The following ABCB11 variants were observed in gnomAD, a reference collection of about 807,000 sequenced individuals.
ABCB11 encodes bile salt export pump.
ABCB11 carries 95 observed loss-of-function variants against 148.0 expected under a neutral mutation model. That is an observed-to-expected ratio of 0.64 (90% confidence interval 0.54 to 0.76). ABCB11 has a LOEUF of 0.76. ABCB11 is among the 30% of genes least tolerant of loss of function. The pLI, the probability that ABCB11 is intolerant of heterozygous loss-of-function variation, is 0.00. For missense variants in ABCB11, 1,523 were observed against 1,617.8 expected, an observed-to-expected ratio of 0.94 and a Z score of 1.01; for synonymous variants, 591 against 555.4, an observed-to-expected ratio of 1.06 and a Z score of -0.90.
intron 10 of ABCB11, among the ~76,000 whole-genome samples, chr2:168,981,256 A>C (rs1245165318): frequency 1.3e-5 from 2 of 152,066 alleles, no homozygotes. Flanking sequence ...CATTAGGATG[A>C]TTAACAGGGC....
intron 22 of ABCB11, among the ~76,000 whole-genome samples, chr2:168,935,707 T>C (rs1052653651): frequency 7.2e-5 from 11 of 152,208 alleles, no homozygotes; most frequent in Non-Finnish European, 2.9e-5. Flanking sequence ...TAGAACACAC[T>C]TTAAAATGTG....
intron 5 of ABCB11, among the ~76,000 whole-genome samples, chr2:169,006,741 T>C (rs542966895): frequency 1.3e-5 from 2 of 152,212 alleles, no homozygotes; most frequent in African/African-American, 4.8e-5. Context: ...ACAAAAAAAG[T>C]TGTATTTTGC....
chr2:169,002,398 T>C (rs938937967), intron 5 of ABCB11, among the ~76,000 whole-genome samples: 1 of 152,160 alleles, frequency 6.6e-6, no homozygotes, highest in African/African-American at 2.4e-5. Context: ...TGTAGGTTCC[T>C]CAAAAAGTTA....
chr2:169,015,951 C>T (rs1420041198), intron 3 of ABCB11, among the ~76,000 whole-genome samples: 1 of 152,140 alleles, frequency 6.6e-6, no homozygotes, highest in African/African-American at 2.4e-5. Context: ...TCCAGCTCAA[C>T]ATGCAATGCA....
At chr2:168,968,586 C>T in intron 16 of ABCB11, 96 bp from the exon 17 acceptor site, 1 of 1,030,166 alleles carries the variant, frequency 9.7e-7, no homozygotes, top group East Asian at 2.6e-5. Context: ...AATATAATTA[C>T]TATGTCAAAT....
chr2:168,997,522 A>T lies in ABCB11; in HGVS notation c.390-800T>A, dbSNP rs1204122661. On this transcript the variant is annotated intron_variant, in intron 5 of 27. Coordinates refer to ENST00000650372, the MANE Select transcript of ABCB11 (RefSeq NM_003742.4). ...AAAAAAAAATTCTGAAATTGCTTTT[A>T]TGAATGAAGGCATTCCATAATTAGA... 4.6e-5 allele frequency among the ~76,000 whole-genome samples: 7 copies of T among 152,186 alleles called. No homozygotes were observed. The South Asian group carries it at 1.4e-3, about 32-fold the overall frequency.
In ABCB11 at chr2:168,944,724, GCCT is replaced by G; in HGVS notation, c.2488_2490del (p.Arg830del). On this transcript the variant is annotated inframe_deletion, in exon 21 of 28. Transcript: ENST00000650372. ...ATTGCCCTGAAACCAAATTTACGTA[GCCT>G]TTTTGTTAGGAGCTCCCCAGATTTA... 1 of 1,612,770 alleles carries G rather than the reference GCCT, an allele frequency of 6.2e-7. No homozygotes were observed.
intron 7 of ABCB11, among the ~76,000 whole-genome samples, chr2:168,994,770 A>G (rs1694661534): frequency 6.6e-6 from 1 of 152,050 alleles, no homozygotes; most frequent in Non-Finnish European, 1.5e-5. Flanking sequence ...TGGAGTGAAG[A>G]GAGCTTGGAA....
intron 19 of ABCB11, among the ~76,000 whole-genome samples, chr2:168,947,157 T>C (rs1385650276): frequency 6.6e-6 from 1 of 151,814 alleles, no homozygotes; most frequent in African/African-American, 2.4e-5. Flanking sequence ...GTGCCACATG[T>C]CAAATGCGTA....
chr2:169,004,743 C>G (rs987805667), intron 5 of ABCB11, among the ~76,000 whole-genome samples: 1 of 152,044 alleles, frequency 6.6e-6, no homozygotes, highest in Non-Finnish European at 1.5e-5. Flanking sequence ...TGTTAAAGAA[C>G]CTTGCTTTTC....
chr2:168,952,055 T>C (rs1386463391), intron 19 of ABCB11, among the ~76,000 whole-genome samples: 1 of 151,794 alleles, frequency 6.6e-6, no homozygotes, highest in Non-Finnish European at 1.5e-5. Context: ...TTGCATATGT[T>C]GAACCATCCT....
At chr2:168,917,788 T>A (rs1361199333), downstream of ABCB11, among the ~76,000 whole-genome samples, 1 of 152,202 alleles carries the variant, frequency 6.6e-6, no homozygotes, top group Non-Finnish European at 1.5e-5. Context: ...GACTAGAGAA[T>A]TCATGAACCT....
Position 168,923,748 on chromosome 2 carries a change from G to C in ABCB11, c.3840C>G (p.Ile1280Met). Residue 1280 changes from isoleucine to methionine, a missense_variant, in exon 28 of 28, where the codon ATC becomes ATG. Ile to Met is a conservative substitution (Grantham distance 10). Transcript: ENST00000650372. ...TGACAGCAATGATATCCGCGTTCTG[G>C]ATGGTGGACAAGCGATGGGCAATGA... ...CIVIAHRLST[I>M]QNADIIAVMA... is the part of the protein sequence containing the mutation. 1 of 1,613,808 alleles carries C rather than the reference G, an allele frequency of 6.2e-7. No individual in the cohort carries two copies. The highest frequency in any genetic ancestry group is 8.5e-7 in the Non-Finnish European group (1 of 1,179,864).
At position 168,957,987 on chromosome 2, in the gene ABCB11, A is replaced by G. The variant is rs1245963202; in HGVS notation, c.2320T>C (p.Phe774Leu). 1 of 1,586,518 alleles carries G rather than the reference A, an allele frequency of 6.3e-7. No homozygotes were observed. The highest frequency in any genetic ancestry group is 8.6e-7 in the Non-Finnish European group (1 of 1,158,974). ...VNGTVTPLYA[F>L]LFSQILGTFS... ...ACCCCAAGAATCTGGCTGAATAAAA[A>G]GGCATACAAGGGTGTGACTGTCCCG... The change falls in exon 19 of 28, where the codon TTT (phenylalanine) becomes CTT (leucine). Residue 774 changes from phenylalanine to leucine, a missense_variant. Transcript: ENST00000650372.
chr2:168,973,858 C>T lies in ABCB11; in HGVS notation c.1309-18G>A, dbSNP rs759973911. ...TTTAGAATCTGGAGAAGAAAGAAAA[C>T]AGCAAAGTTCAGATTGTCACTGTTT... On this transcript the variant is annotated intron_variant, in intron 12 of 27. Transcript: ENST00000650372. The T allele has an allele frequency of 4.7e-5, 76 of 1,608,712 alleles. 1 individual carries two copies. The South Asian group carries it at 5.9e-4, about 13-fold the overall frequency.
chr2:169,030,236 T>G (rs1333792999), intron 1 of ABCB11, among the ~76,000 whole-genome samples: 3 of 152,100 alleles, frequency 2.0e-5, no homozygotes, highest in African/African-American at 4.8e-5. Flanking sequence ...GAAACAAAAA[T>G]TATTCAAGGG....
Position 168,983,635 on chromosome 2 carries a change from G to T in ABCB11, c.1083+2475C>A, listed in dbSNP as rs4148781. Among the ~76,000 whole-genome samples, 14 of 152,192 alleles carry T rather than the reference G, an allele frequency of 9.2e-5. No homozygotes were observed. In the East Asian group the frequency reaches 2.7e-3, roughly 29 times the overall value. Reference sequence around the variant, plus strand: ...ATTATCATGTTCTTAATGAAATAAAGTCCGTGGTTTGGAATGATTATGGTT... The same window carrying T: ...ATTATCATGTTCTTAATGAAATAAATTCCGTGGTTTGGAATGATTATGGTT... On this transcript the variant is annotated intron_variant, in intron 10 of 27. Transcript: ENST00000650372.
At chr2:169,014,625 T>TA (rs991324765) in intron 3 of ABCB11, among the ~76,000 whole-genome samples, 16 of 152,308 alleles carry the variant, frequency 1.1e-4, no homozygotes, top group Admixed American at 9.2e-4. Context: ...AAGTCCTCTA[T>TA]ACTCCCAGTT....
chr2:168,994,655 G>A (rs950063704), intron 7 of ABCB11, among the ~76,000 whole-genome samples: 1 of 152,072 alleles, frequency 6.6e-6, no homozygotes, highest in Non-Finnish European at 1.5e-5. Context: ...GAGGCTGTAA[G>A]TTCCTCAAGA....
Sources: allele counts gnomAD v4.1 joint callset (sites outside exome capture counted in the v4.1 genomes callset), GRCh38; gene constraint gnomAD v4.1.1; transcripts MANE v1.5; gene names NCBI Gene and HGNC (gene_info 2026-07-23, HGNC 2026-07-21).